The following GAS7 variants were observed in gnomAD, a reference collection of about 807,000 sequenced individuals.
GAS7 encodes growth arrest specific 7.
In GAS7, 28 loss-of-function variants were observed where a neutral mutation model predicts 71.1. That is an observed-to-expected ratio of 0.39 (90% CI 0.29 to 0.54). The LOEUF (loss-of-function observed/expected upper bound fraction) is 0.54. Ranked by LOEUF, GAS7 falls within the 20% of genes least tolerant of loss-of-function variation. GAS7 has a pLI of 0.62. For missense variants in GAS7, 436 were observed against 627.8 expected (o/e 0.69, Z 3.27); for synonymous variants, 258 against 245.8 (o/e 1.05, Z -0.46).
intron 4 of GAS7, among the ~76,000 whole-genome samples, chr17:9,967,511 C>T (rs978547416): frequency 2.6e-5 from 4 of 152,260 alleles, no homozygotes; most frequent in South Asian, 2.1e-4. Flanking sequence ...ACAGAGCCAC[C>T]GTACGTTTTC....
At chr17:10,089,003 C>CA (rs940040417) in intron 1 of GAS7, among the ~76,000 whole-genome samples, 16 of 151,110 alleles carry the variant, frequency 1.1e-4, no homozygotes, top group Non-Finnish European at 1.3e-4. Context: ...ACTAAAAATA[C>CA]AAAAAAAATG....
At chr17:10,115,151 C>G (rs1244110483) in intron 1 of GAS7, among the ~76,000 whole-genome samples, 3 of 152,226 alleles carry the variant, frequency 2.0e-5, no homozygotes, top group Non-Finnish European at 4.4e-5. Context: ...AGCATTAACC[C>G]AAATGAAAAG....
rs534806159 is a variant in GAS7 at position 10,062,314 on chromosome 17, G to A, written c.184-42417C>T. On this transcript the variant is annotated intron_variant, in intron 1 of 13. Coordinates refer to ENST00000432992, the MANE Select transcript of GAS7 (RefSeq NM_201433.2). ...AGCCTGGCCAACGTGGCGAAACCTCGTCTCTACTAAAAATACACAAATTAG... is the reference window on the plus strand; with the variant it reads ...AGCCTGGCCAACGTGGCGAAACCTCATCTCTACTAAAAATACACAAATTAG... Among the ~76,000 whole-genome samples the A allele has an allele frequency of 8.5e-4, 129 of 152,290 alleles. 3 individuals carry two copies. The South Asian group carries it at 0.025, about 30-fold the overall frequency.
At chr17:10,113,361 C>T (rs938732507) in intron 1 of GAS7, among the ~76,000 whole-genome samples, 1 of 152,160 alleles carries the variant, frequency 6.6e-6, no homozygotes, top group Non-Finnish European at 1.5e-5. Flanking sequence ...CCCTCACCCA[C>T]GTGCAGAATG....
At chr17:10,095,160 T>A (rs566421543) in intron 1 of GAS7, among the ~76,000 whole-genome samples, 1 of 152,214 alleles carries the variant, frequency 6.6e-6, no homozygotes, top group Non-Finnish European at 1.5e-5. Context: ...ACGCTGAATG[T>A]GCCAAGAAGT....
chr17:9,929,354 G>A (rs1597466121), intron 9 of GAS7, among the ~76,000 whole-genome samples: 1 of 152,368 alleles, frequency 6.6e-6, no homozygotes, highest in East Asian at 1.9e-4. Flanking sequence ...ATGCCAGGAA[G>A]CTTTCCCCAA....
chr17:10,172,585 C>T (rs2074343414), intron 1 of GAS7, among the ~76,000 whole-genome samples: 1 of 152,158 alleles, frequency 6.6e-6, no homozygotes, highest in South Asian at 2.1e-4. Flanking sequence ...GAGGAACATA[C>T]AGAACTATCA....
At chr17:10,116,179 C>T (rs552103139) in intron 1 of GAS7, among the ~76,000 whole-genome samples, 27 of 152,028 alleles carry the variant, frequency 1.8e-4, no homozygotes, top group African/African-American at 5.5e-4. Flanking sequence ...AGTGTGGTGG[C>T]GTGTGCCTGT....
chr17:10,041,347 C>T (rs771572603), intron 1 of GAS7, among the ~76,000 whole-genome samples: 3 of 152,004 alleles, frequency 2.0e-5, no homozygotes, highest in Non-Finnish European at 2.9e-5. Context: ...CATTAACAGC[C>T]GTCTCCGACA....
chr17:10,152,276 A>T (rs1173762366), intron 1 of GAS7, among the ~76,000 whole-genome samples: 1 of 152,226 alleles, frequency 6.6e-6, no homozygotes, highest in East Asian at 1.9e-4. Context: ...TGACAGGCAG[A>T]TCAAAACAGA....
chr17:9,959,494 C>T lies in GAS7; in HGVS notation c.472-239G>A. On this transcript the variant is annotated intron_variant, in intron 4 of 13. Transcript: ENST00000432992. This position sits in a 1 kb window ranked among gnomAD's most constrained non-coding sequence, Gnocchi z 5.0. ...GCCTCCTGCACAGGCTCTGAGAGAA[C>T]TGCTCCAAACCAGGTCTCCCCTCCT... is the stretch of plus-strand genomic sequence containing the variant. 4 of 1,380,672 alleles carry T rather than the reference C, an allele frequency of 2.9e-6. No homozygotes were observed. The highest frequency in any genetic ancestry group is 3.8e-6 in the Non-Finnish European group (4 of 1,065,146). 85.5% of individuals were successfully genotyped at this position (1,380,672 alleles called of 1,614,324 possible).
chr17:9,964,743 C>T (rs2069637490), intron 4 of GAS7, among the ~76,000 whole-genome samples: 1 of 152,196 alleles, frequency 6.6e-6, no homozygotes, highest in Admixed American at 6.5e-5. Context: ...CATTATTTAT[C>T]TACTGTTTCT....
chr17:9,922,786 A>G (rs2067864408), intron 11 of GAS7, among the ~76,000 whole-genome samples: 1 of 152,262 alleles, frequency 6.6e-6, no homozygotes, highest in Non-Finnish European at 1.5e-5. Context: ...ATAGCAAAAC[A>G]TAATGAAAAT....
chr17:9,992,039 G>T (rs1014466720), intron 2 of GAS7, among the ~76,000 whole-genome samples: 39 of 152,246 alleles, frequency 2.6e-4, no homozygotes, highest in Admixed American at 1.0e-3. Context: ...GGAGCTTCTG[G>T]TTGAGTAGGC....
chr17:9,946,283 C>A (rs917612086), intron 6 of GAS7, among the ~76,000 whole-genome samples: 1 of 152,144 alleles, frequency 6.6e-6, no homozygotes, highest in Non-Finnish European at 1.5e-5. Context: ...TAGCACACAA[C>A]GGACCATTTT....
At chr17:9,936,747 A>C (rs1160698352) in intron 8 of GAS7, among the ~76,000 whole-genome samples, 1 of 152,226 alleles carries the variant, frequency 6.6e-6, no homozygotes, top group Non-Finnish European at 1.5e-5. Context: ...CTCTGTTCCA[A>C]CATACAGTTT....
chr17:9,993,331 T>C (rs1187739084), intron 2 of GAS7, among the ~76,000 whole-genome samples: 1 of 152,208 alleles, frequency 6.6e-6, no homozygotes, highest in Non-Finnish European at 1.5e-5. Context: ...ATTGTGGTTT[T>C]GATTTGCATT....
chr17:10,079,268 A>G (rs923884079), intron 1 of GAS7, among the ~76,000 whole-genome samples: 1 of 152,222 alleles, frequency 6.6e-6, no homozygotes, highest in African/African-American at 2.4e-5. Context: ...AAAAATAAAC[A>G]TAAACACTGT....
intron 1 of GAS7, among the ~76,000 whole-genome samples, chr17:10,130,362 C>A (rs11656696): frequency 0.36 from 53,828 of 149,672 alleles, 10,393 homozygotes; most frequent in East Asian, 0.5. Flanking sequence ...AGATAATTAC[C>A]AATGTTGGCA....
Sources: allele counts gnomAD v4.1 joint callset (sites outside exome capture counted in the v4.1 genomes callset), GRCh38; gene constraint gnomAD v4.1.1; non-coding constraint Gnocchi (gnomAD v3.1); transcripts MANE v1.5; gene names NCBI Gene and HGNC (gene_info 2026-07-23, HGNC 2026-07-21).